The following WDR7 variants were observed in gnomAD, a reference collection of about 807,000 sequenced individuals.
WDR7 encodes WD repeat-containing protein 7.
Under a neutral mutation model 169.4 loss-of-function variants are expected in WDR7, and 46 were observed. The observed-to-expected ratio is 0.27, with a 90% CI of 0.21 to 0.35. The LOEUF (loss-of-function observed/expected upper bound fraction) is 0.35. Among genes scored for constraint, WDR7 ranks in the 10% least tolerant of loss-of-function variants. WDR7 has a pLI of 1.00. For synonymous variants in WDR7, 612 were observed against 666.8 expected (o/e 0.92, Z 1.27); for missense variants, 1,534 against 1,859.3 (o/e 0.83, Z 3.22).
downstream of WDR7, chr18:57,032,799 TTTTATATATATA>T (rs1393303800): frequency 2.3e-5 from 2 of 85,486 alleles, no homozygotes; most frequent in Non-Finnish European, 4.6e-5. Flanking sequence ...TGTATAATTA[TTTTATATATATA>T]TATATATATA....
At position 56,696,379 on chromosome 18, in the gene WDR7, A is replaced by C; in HGVS notation, c.1495A>C (p.Ile499Leu). 1.2e-6 allele frequency: 2 copies of C among 1,614,152 alleles called. No homozygotes were observed. The change falls in exon 12 of 28, where the codon ATA becomes CTA. Residue 499 changes from isoleucine to leucine, a missense_variant. Physicochemically the swap from Ile to Leu is conservative, Grantham distance 5. Coordinates refer to ENST00000254442, the MANE Select transcript of WDR7 (RefSeq NM_015285.3). Reference protein sequence around the residue: ...GVDFSVIIWDIFSGEMKHIFC... With the variant: ...GVDFSVIIWDLFSGEMKHIFC... Reference sequence around the variant, plus strand: ...GGATTTTTCAGTCATAATTTGGGACATATTTTCTGGAGAAATGAAACATAT... The same window carrying C: ...GGATTTTTCAGTCATAATTTGGGACCTATTTTCTGGAGAAATGAAACATAT...
chr18:56,941,046 G>A (rs1362981768), intron 25 of WDR7, among the ~76,000 whole-genome samples: 1 of 152,116 alleles, frequency 6.6e-6, no homozygotes, highest in African/African-American at 2.4e-5. Flanking sequence ...GTTCTATTTT[G>A]TTTATCAATT....
chr18:56,831,859 C>T (rs182865646), intron 20 of WDR7, among the ~76,000 whole-genome samples: 10 of 152,276 alleles, frequency 6.6e-5, no homozygotes, highest in African/African-American at 2.2e-4. Flanking sequence ...GAGATTCCCT[C>T]GTGTGCCTAC....
chr18:56,834,348 G>A (rs540310886), intron 20 of WDR7, among the ~76,000 whole-genome samples: 1 of 152,190 alleles, frequency 6.6e-6, no homozygotes, highest in East Asian at 1.9e-4. Flanking sequence ...CAAGGCCAAG[G>A]GGTGGTATAA....
intron 21 of WDR7, 30 bp downstream of exon 21, chr18:56,880,195 G>A: frequency 1.3e-6 from 2 of 1,592,826 alleles, no homozygotes; most frequent in African/African-American, 1.3e-5. Flanking sequence ...ATGCTGATCT[G>A]TTGCTTCTGA....
At chr18:56,982,055 C>T (rs1254220123) in intron 26 of WDR7, among the ~76,000 whole-genome samples, 1 of 152,106 alleles carries the variant, frequency 6.6e-6, no homozygotes, top group African/African-American at 2.4e-5. Context: ...CACTATTATT[C>T]TGAACCGTTT....
At chr18:56,725,357 A>G (rs2026423733) in intron 13 of WDR7, among the ~76,000 whole-genome samples, 1 of 151,450 alleles carries the variant, frequency 6.6e-6, no homozygotes, top group Admixed American at 6.5e-5. Flanking sequence ...AACTGGTGTG[A>G]GATGGTATCT....
At chr18:56,690,269 G>A (rs934174128) in intron 7 of WDR7, among the ~76,000 whole-genome samples, 1 of 152,068 alleles carries the variant, frequency 6.6e-6, no homozygotes, top group Non-Finnish European at 1.5e-5. Context: ...GTGATTCTCA[G>A]GGTCATATGA....
intron 22 of WDR7, among the ~76,000 whole-genome samples, chr18:56,935,528 A>T (rs370552342): frequency 1.8e-4 from 27 of 152,324 alleles, no homozygotes; most frequent in African/African-American, 6.5e-4. Context: ...AGTTCTTGAT[A>T]ATTTGTTAAC....
At position 56,748,531 on chromosome 18, in the gene WDR7, G is replaced by A. The variant is rs544183706; in HGVS notation, c.1990-8052G>A. ...CATGACCTAAACATCTATACTTAAT[G>A]GTTACAACTTACTGTAATTAAGTGA... On this transcript the variant is annotated intron_variant, in intron 14 of 27. Transcript: ENST00000254442. 1.6e-3 allele frequency among the ~76,000 whole-genome samples: 238 copies of A among 152,004 alleles called. 1 individual carries two copies. The highest frequency in any genetic ancestry group is 4.4e-3 in the African/African-American group (184 of 41,470).
intron 19 of WDR7, among the ~76,000 whole-genome samples, chr18:56,789,479 G>A (rs2044451969): frequency 6.6e-6 from 1 of 152,246 alleles, no homozygotes; most frequent in Admixed American, 6.5e-5. Context: ...CGCTCAGGAT[G>A]TCAGTAGAAA....
At chr18:56,947,707 G>A (rs1249186070) in intron 25 of WDR7, among the ~76,000 whole-genome samples, 1 of 152,180 alleles carries the variant, frequency 6.6e-6, no homozygotes, top group Non-Finnish European at 1.5e-5. Flanking sequence ...ACACTACTTA[G>A]TGTGCTGCAG....
chr18:56,762,895 G>T (rs1002216362), intron 16 of WDR7, among the ~76,000 whole-genome samples: 1 of 108,086 alleles, frequency 9.3e-6, no homozygotes, highest in Admixed American at 1.1e-4. Flanking sequence ...ACCTTAGTAA[G>T]AATTTTTTTT....
chr18:56,678,720 C>T (rs1446178143), intron 2 of WDR7, among the ~76,000 whole-genome samples: 1 of 152,170 alleles, frequency 6.6e-6, no homozygotes, highest in Non-Finnish European at 1.5e-5. Flanking sequence ...TGGTCTTGAA[C>T]TCCTGACCTC....
intron 26 of WDR7, among the ~76,000 whole-genome samples, chr18:56,967,339 A>T (rs1191608803): frequency 6.6e-6 from 1 of 152,016 alleles, no homozygotes; most frequent in African/African-American, 2.4e-5. Flanking sequence ...TGTGCTGCTG[A>T]CTGTGCTTTT....
rs1332136733 is a variant in WDR7, at chr18:57,027,273, C to T, written c.*66C>T. 1.3e-6 allele frequency: 2 copies of T among 1,525,830 alleles called. No homozygotes were observed. The highest frequency in any genetic ancestry group is 1.2e-5 in the South Asian group (1 of 81,344). 94.5% of individuals were successfully genotyped at this position (1,525,830 alleles called of 1,614,324 possible). A position where few individuals can be genotyped will look rare whatever the true frequency, so the allele number is the denominator to read the frequency against. On this transcript the variant is annotated 3_prime_UTR_variant, in exon 28 of 28. Coordinates refer to ENST00000254442, the MANE Select transcript of WDR7 (RefSeq NM_015285.3). ...ATTATCCAAGCCGATGTTGCTCTGT[C>T]CTTCCTCACACCAGATTGTTCCCAG...
intron 14 of WDR7, among the ~76,000 whole-genome samples, chr18:56,731,830 AG>A (rs1267343950): frequency 6.6e-6 from 1 of 152,196 alleles, no homozygotes; most frequent in African/African-American, 2.4e-5. Flanking sequence ...GACTGAATTA[AG>A]TGACTTTAGT....
chr18:56,982,978 T>C (rs2047667391), intron 26 of WDR7, among the ~76,000 whole-genome samples: 1 of 152,204 alleles, frequency 6.6e-6, no homozygotes, highest in African/African-American at 2.4e-5. Flanking sequence ...CAACCAGCTG[T>C]CATGTCACAC....
intron 20 of WDR7, among the ~76,000 whole-genome samples, chr18:56,879,561 C>A (rs1282749101): frequency 6.6e-6 from 1 of 152,048 alleles, no homozygotes; most frequent in Non-Finnish European, 1.5e-5. Context: ...TTGATTCTGT[C>A]TTTTCAAGCA....
Sources: gnomAD v4.1 joint callset for allele counts (sites outside exome capture counted in the v4.1 genomes callset) on GRCh38, gnomAD v4.1.1 for gene constraint, MANE v1.5 for transcripts, NCBI Gene and HGNC (gene_info 2026-07-23, HGNC 2026-07-21) for gene names.